The following PPEF2 variants were observed in gnomAD, a reference collection of about 807,000 sequenced individuals.
PPEF2 encodes serine/threonine-protein phosphatase with EF-hands 2.
In PPEF2, 84 loss-of-function variants were observed where a neutral mutation model predicts 84.7. The observed-to-expected ratio is 0.99, with a 90% confidence interval of 0.83 to 1.19. The LOEUF (loss-of-function observed/expected upper bound fraction) is 1.19, where lower values mean the gene tolerates loss of function less well. Ranked by LOEUF, PPEF2 falls within the 50% of genes most tolerant of loss-of-function variation. The probability of loss-of-function intolerance (pLI) is 0.00; values close to 1 mark genes in which losing one functional copy is unlikely to be tolerated. For missense variants in PPEF2, 924 were observed against 937.5 expected (o/e 0.99, Z 0.19); for synonymous variants, 346 against 345.2 (o/e 1.00, Z -0.03).
intron 1 of PPEF2, among the ~76,000 whole-genome samples, chr4:75,900,503 G>A (rs964467917): frequency 6.6e-6 from 1 of 152,162 alleles, no homozygotes; most frequent in African/African-American, 2.4e-5. Context: ...GGGAAAAGGG[G>A]TACCTAGCTA....
At chr4:75,862,437 ACT>A (rs1302381479) in intron 16 of PPEF2, among the ~76,000 whole-genome samples, 1 of 152,168 alleles carries the variant, frequency 6.6e-6, no homozygotes, top group African/African-American at 2.4e-5. Flanking sequence ...TATATGAATA[ACT>A]CTTACAACTC....
intron 11 of PPEF2, among the ~76,000 whole-genome samples, chr4:75,875,485 G>A (rs989989360): frequency 2.0e-5 from 3 of 151,996 alleles, no homozygotes; most frequent in Admixed American, 6.6e-5. Flanking sequence ...GGTGCACACC[G>A]GTAGTCCCAG....
intron 5 of PPEF2, among the ~76,000 whole-genome samples, chr4:75,888,837 A>C (rs1271237691): frequency 6.6e-6 from 1 of 152,246 alleles, no homozygotes; most frequent in African/African-American, 2.4e-5. Context: ...GGACGATTGC[A>C]GTAGTCTCTT....
chr4:75,895,415 G>A (rs1199298493), intron 2 of PPEF2, among the ~76,000 whole-genome samples: 1 of 137,838 alleles, frequency 7.3e-6, no homozygotes, highest in Non-Finnish European at 1.6e-5. Context: ...GGCCACAGAG[G>A]GAAACTCGGT....
rs182976915 is a variant in PPEF2 at position 75,866,393 on chromosome 4, T to C, written c.1757-41A>G. 1.6e-4 allele frequency: 264 copies of C among 1,603,894 alleles called. 1 individual carries two copies. The African/African-American group carries it at 3.3e-3, about 20-fold the overall frequency. ...AACCTGTTGCCTTGTCACCTAGAAGTCTAGTTTCCTGCCCAATGGTGTGTA... is the reference window on the plus strand; with the variant it reads ...AACCTGTTGCCTTGTCACCTAGAAGCCTAGTTTCCTGCCCAATGGTGTGTA... On this transcript the variant is annotated intron_variant, in intron 14 of 16. Coordinates refer to ENST00000286719, the MANE Select transcript of PPEF2 (RefSeq NM_006239.3).
chr4:75,884,612 T>G lies in PPEF2; in HGVS notation c.728A>C (p.Asp243Ala). The G allele has an allele frequency of 6.2e-7, 1 of 1,607,618 alleles. No individual in the cohort carries two copies. Among genetic ancestry groups the G allele is most frequent in the South Asian group, 1.1e-5 (1 of 89,472 alleles). The change falls in exon 8 of 17, where the codon GAC (aspartate) becomes GCC (alanine). Residue 243 changes from aspartate (D) to alanine (A), a missense_variant. Physicochemically the swap from Asp to Ala is moderately radical, Grantham distance 126. Transcript: ENST00000286719. ...EFHLNRGNHE[D>A]HMVNLRYGFT... ...CTTGTACCGTAAGTTCACCATATGGTCCTCATGGTTTCCTCTGTTAAGATG... is the reference window on the plus strand; with the variant it reads ...CTTGTACCGTAAGTTCACCATATGGGCCTCATGGTTTCCTCTGTTAAGATG...
At chr4:75,888,455 C>G in intron 5 of PPEF2, 127 bp from the exon 6 acceptor site, 1 of 637,966 alleles carries the variant, frequency 1.6e-6, no homozygotes, top group East Asian at 2.8e-5. Flanking sequence ...GTAAACTGCT[C>G]CTGGGACTAT....
intron 2 of PPEF2, 92 bp from the exon 3 acceptor site, chr4:75,892,070 C>T: frequency 8.5e-6 from 13 of 1,520,808 alleles, no homozygotes; most frequent in Non-Finnish European, 1.2e-5. Flanking sequence ...AGCCCTCTCC[C>T]ACTGTATATG....
At position 75,890,111 on chromosome 4, in the gene PPEF2, A is replaced by T. The variant is rs543544805; in HGVS notation, c.263T>A (p.Phe88Tyr). ...HNDRDFLTRI[F>Y]TEDRFAQDSE... ...GTCCTGGGCGAATCTGTCCTCAGTG[A>T]ATATGCGGGTCAGGAAGTCCCCTAG... The change falls in exon 5 of 17, where the codon TTC becomes TAC. Residue 88 changes from phenylalanine (F) to tyrosine (Y), a missense_variant. Physicochemically the swap from Phe to Tyr is conservative, Grantham distance 22. Coordinates refer to ENST00000286719, the MANE Select transcript of PPEF2 (RefSeq NM_006239.3). 6.2e-7 allele frequency: 1 copy of T among 1,614,000 alleles called. No homozygotes were observed. The highest frequency in any genetic ancestry group is 1.7e-5 in the Admixed American group (1 of 60,002).
intron 7 of PPEF2, among the ~76,000 whole-genome samples, chr4:75,885,396 C>T (rs1266387583): frequency 1.3e-5 from 2 of 152,164 alleles, no homozygotes; most frequent in Non-Finnish European, 2.9e-5. Flanking sequence ...GATCCTCCCA[C>T]TTTAGCCTCC....
intron 4 of PPEF2, 90 bp from the exon 5 acceptor site, chr4:75,890,222 G>A: frequency 7.0e-7 from 1 of 1,435,422 alleles, no homozygotes; most frequent in South Asian, 1.3e-5. Context: ...TGGGCACGGT[G>A]GCTCTCTAAT....
rs1440403124 is a variant in PPEF2, at chr4:75,867,904, A to G, written c.1650-485T>C. Among the ~76,000 whole-genome samples, 7 of 152,226 alleles carry G rather than the reference A, an allele frequency of 4.6e-5. No homozygotes were observed. In the East Asian group the frequency reaches 1.3e-3, roughly 29 times the overall value. The stretch of plus-strand genomic sequence containing the variant: ...ACAGAAGGCAAAATTTATGAATAAC[A>G]AAATAACACTAGTTTAGTTTTTTCA... On this transcript the variant is annotated intron_variant, in intron 13 of 16. Transcript: ENST00000286719.
At chr4:75,892,946 G>C (rs1002402833) in intron 2 of PPEF2, among the ~76,000 whole-genome samples, 2 of 152,136 alleles carry the variant, frequency 1.3e-5, no homozygotes, top group Admixed American at 1.3e-4. Context: ...GGCTGACTCA[G>C]GTCAACCTCA....
In PPEF2 at chr4:75,890,134, T is replaced by C. The variant is rs1418707942; in HGVS notation, c.242-2A>G. The C allele has an allele frequency of 6.2e-7, 1 of 1,613,648 alleles. No individual in the cohort carries two copies. The highest frequency in any genetic ancestry group is 8.5e-7 in the Non-Finnish European group (1 of 1,179,872). ...TGAATATGCGGGTCAGGAAGTCCCCTAGTCCAGATAGAAAAGGTGGATCAG... is the reference window on the plus strand; with the variant it reads ...TGAATATGCGGGTCAGGAAGTCCCCCAGTCCAGATAGAAAAGGTGGATCAG... On this transcript the variant is annotated splice_acceptor_variant, in intron 4 of 16. Coordinates refer to ENST00000286719, the MANE Select transcript of PPEF2 (RefSeq NM_006239.3). LOFTEE classifies it high-confidence loss of function.
Position 75,890,491 on chromosome 4 carries a change from A to AAAAAAAG in PPEF2, c.242-360_242-359insCTTTTTT, listed in dbSNP as rs1277154355. Among the ~76,000 whole-genome samples the AAAAAAAG allele has an allele frequency of 2.0e-5, 3 of 147,066 alleles. No homozygotes were observed. The South Asian group carries it at 6.4e-4, about 31-fold the overall frequency. ...ACGATAGAGTGAGACCCTGTCTCAA[A>AAAAAAAG]AAAAAAAAAAAAAAGTCCTTCCCTG... is the stretch of plus-strand genomic sequence containing the variant. On this transcript the variant is annotated intron_variant, in intron 4 of 16. Transcript: ENST00000286719.
At chr4:75,864,033 C>T (rs1271789107) in intron 16 of PPEF2, among the ~76,000 whole-genome samples, 4 of 151,592 alleles carry the variant, frequency 2.6e-5, no homozygotes, top group East Asian at 1.9e-4. Flanking sequence ...CCACCATGCC[C>T]GCCTAATTTT....
At chr4:75,896,535 T>A in intron 1 of PPEF2, 152 bp from the exon 2 acceptor site, 1 of 612,246 alleles carries the variant, frequency 1.6e-6, no homozygotes, top group Non-Finnish European at 2.9e-6. Context: ...TCCCTCCATT[T>A]GTCATTCCCT....
chr4:75,874,972 G>C (rs542348879), intron 11 of PPEF2, among the ~76,000 whole-genome samples: 1 of 151,152 alleles, frequency 6.6e-6, no homozygotes, highest in African/African-American at 2.4e-5. Flanking sequence ...CACGATCTCG[G>C]CTCACTGCAA....
At chr4:75,879,899 G>A (rs1374337980) in intron 10 of PPEF2, among the ~76,000 whole-genome samples, 4 of 151,458 alleles carry the variant, frequency 2.6e-5, no homozygotes, top group South Asian at 2.1e-4. Context: ...GTGCGATCTC[G>A]GCTTGCTCAA....
Sources: allele counts gnomAD v4.1 joint callset (sites outside exome capture counted in the v4.1 genomes callset), GRCh38; gene constraint gnomAD v4.1.1; transcripts MANE v1.5; gene names NCBI Gene and HGNC (gene_info 2026-07-23, HGNC 2026-07-21).